The following MS4A1 variants were observed in gnomAD, a reference collection of about 807,000 sequenced individuals.
MS4A1 encodes the protein B-lymphocyte antigen CD20.
In MS4A1, 16 loss-of-function variants were observed where a neutral mutation model predicts 26.5. The ratio of observed to expected loss-of-function variants is 0.60; its 90% CI spans 0.41 to 0.92. MS4A1 has a LOEUF of 0.92. Ranked by LOEUF, MS4A1 falls within the 40% of genes least tolerant of loss-of-function variation. MS4A1 has a pLI of 0.00. For missense variants in MS4A1, 350 were observed against 353.0 expected, an observed-to-expected ratio of 0.99 and a Z score of 0.07; for synonymous variants, 128 against 117.6, an observed-to-expected ratio of 1.09 and a Z score of -0.57.
intron 4 of MS4A1, chr11:60,463,807 C>T (rs578236636): frequency 6.6e-6 from 3 of 455,786 alleles, no homozygotes; most frequent in South Asian, 4.7e-5. Context: ...TCATCACTTC[C>T]TGTAACAGCC....
At chr11:60,459,517 T>C (rs886730055) in intron 1 of MS4A1, among the ~76,000 whole-genome samples, 1 of 152,206 alleles carries the variant, frequency 6.6e-6, no homozygotes, top group African/African-American at 2.4e-5. Flanking sequence ...GCAAATTCTA[T>C]ACCCAGACTG....
At chr11:60,467,195 A>G (rs757638834) in intron 7 of MS4A1, 135 bp downstream of exon 7, 292 of 731,390 alleles carry the variant, frequency 4.0e-4, no homozygotes, top group Non-Finnish European at 6.2e-4. Context: ...GTCTTGGCAT[A>G]TTTCTAGAAA....
Position 60,468,405 on chromosome 11 carries a change from G to A in MS4A1, c.831G>A (p.Thr277=), listed in dbSNP as rs760137995. The A allele has an allele frequency of 7.4e-6, 12 of 1,613,976 alleles. No homozygotes were observed. Among genetic ancestry groups the A allele is most frequent in the Middle Eastern group, 1.6e-4 (1 of 6,084 alleles). The change falls in exon 8 of 8, where the codon ACG becomes ACA. Residue 277 remains threonine, a synonymous_variant. Coordinates refer to ENST00000345732, the MANE Select transcript of MS4A1 (RefSeq NM_152866.3). ...IQEEEEEETE[T]NFPEPPQDQE... is the part of the protein sequence containing the mutation. ...AAGAGGAAGAAGAAGAAACAGAGAC[G>A]AACTTTCCAGAACCTCCCCAAGATC...
intron 3 of MS4A1, among the ~76,000 whole-genome samples, chr11:60,462,797 C>G (rs78619545): frequency 2.6e-5 from 4 of 152,124 alleles, no homozygotes; most frequent in African/African-American, 7.2e-5. Context: ...TGCCAGAATC[C>G]CAGGCATACC....
At position 60,469,395 on chromosome 11, in the gene MS4A1, T is replaced by A. The variant is rs1292328088; in HGVS notation, c.*927T>A. On this transcript the variant is annotated 3_prime_UTR_variant, in exon 8 of 8. Transcript: ENST00000345732. ...AAGGTAACTTGTCAACAGTCATAAC[T>A]AGTAATTATGAGAGCCTTGTTTCAT... 3 of 152,186 alleles carry A rather than the reference T, an allele frequency of 2.0e-5. No homozygotes were observed. The highest frequency in any genetic ancestry group is 2.0e-4 in the Admixed American group (3 of 15,280). The allele number at this position is 152,186 out of a possible 1,614,324, so 9.4% of individuals were successfully genotyped here.
chr11:60,464,432 T>C, intron 5 of MS4A1, 88 bp downstream of exon 5: 1 of 1,125,136 alleles, frequency 8.9e-7, no homozygotes, highest in Non-Finnish European at 1.4e-6. Flanking sequence ...AAAGCCAAGG[T>C]ATCACAGCCT....
Position 60,470,027 on chromosome 11 carries a change from T to G in MS4A1, c.*1559T>G, listed in dbSNP as rs202008743. On this transcript the variant is annotated 3_prime_UTR_variant, in exon 8 of 8. Transcript: ENST00000345732. ...AAAGTTCTCAAAATTTGTTCTAAAT[T>G]AATAAAACTATCTTTGTGTTCTTTT... is the stretch of plus-strand genomic sequence containing the variant. 3.9e-5 allele frequency: 6 copies of G among 152,104 alleles called. No individual in the cohort carries two copies. In the South Asian group the frequency reaches 1.2e-3, roughly 31 times the overall value. The allele number at this position is 152,104 out of a possible 1,614,324, so 9.4% of individuals were successfully genotyped here. A position where few individuals can be genotyped will look rare whatever the true frequency, so the allele number is the denominator to read the frequency against.
In MS4A1 at chr11:60,470,572, CCTT is replaced by C. The variant is rs2135208235; in HGVS notation, c.*2107_*2109del. The C allele has an allele frequency of 6.6e-6, 1 of 152,014 alleles. No homozygotes were observed. Among genetic ancestry groups the C allele is most frequent in the South Asian group, 2.1e-4 (1 of 4,822 alleles). The allele number at this position is 152,014 out of a possible 1,614,324, so 9.4% of individuals were successfully genotyped here. On this transcript the variant is annotated 3_prime_UTR_variant, in exon 8 of 8. Transcript: ENST00000345732. ...TAAAGAAGGATGAAAATTCCTATGACCTTCTCCCCGATTATCCCTTTGGCAATA... is the reference window on the plus strand; with the variant it reads ...TAAAGAAGGATGAAAATTCCTATGACCTCCCCGATTATCCCTTTGGCAATA...
intron 1 of MS4A1, among the ~76,000 whole-genome samples, chr11:60,456,297 G>A (rs1467915107): frequency 2.6e-5 from 4 of 152,094 alleles, no homozygotes; most frequent in Non-Finnish European, 5.9e-5. Flanking sequence ...AACCTCTAAA[G>A]CCTCAGCTTC....
At chr11:60,463,939 T>C (rs1312785581) in intron 4 of MS4A1, 2 of 364,666 alleles carry the variant, frequency 5.5e-6, no homozygotes, top group Admixed American at 3.8e-5. Flanking sequence ...TTCCACAAGT[T>C]AAAAACAAAG....
intron 1 of MS4A1, among the ~76,000 whole-genome samples, chr11:60,459,384 G>A (rs1349225130): frequency 6.6e-6 from 1 of 152,172 alleles, no homozygotes; most frequent in African/African-American, 2.4e-5. Flanking sequence ...TATAGTAGGT[G>A]CTCAGTAAAC....
chr11:60,466,328 A>G (rs1285835541), intron 6 of MS4A1, among the ~76,000 whole-genome samples, 171 bp downstream of exon 6: 1 of 152,202 alleles, frequency 6.6e-6, no homozygotes, highest in Non-Finnish European at 1.5e-5. Context: ...TCAACTGTAA[A>G]ATGGGGATGG....
Position 60,462,483 on chromosome 11 carries a change from C to G in MS4A1, c.109C>G (p.Leu37Val). The G allele has an allele frequency of 6.2e-7, 1 of 1,614,242 alleles. No homozygotes were observed. Among genetic ancestry groups the G allele is most frequent in the Non-Finnish European group, 8.5e-7 (1 of 1,180,042 alleles). The change falls in exon 3 of 8, where the codon CTG becomes GTG. Residue 37 changes from leucine (L) to valine (V), a missense_variant. Transcript: ENST00000345732. ...PKPLFRRMSSLVGPTQSFFMR... is the reference protein window; with the variant it reads ...PKPLFRRMSSVVGPTQSFFMR... ...ACCACTCTTCAGGAGGATGTCTTCA[C>G]TGGTGGGCCCCACGCAAAGCTTCTT... is the stretch of plus-strand genomic sequence containing the variant.
At chr11:60,465,846 T>A in intron 5 of MS4A1, 75 bp from the exon 6 acceptor site, 1 of 1,192,342 alleles carries the variant, frequency 8.4e-7, no homozygotes, top group Non-Finnish European at 1.3e-6. Context: ...GGCAGTTGCA[T>A]TTGGAATTCC....
chr11:60,467,167 AT>A, intron 7 of MS4A1, 107 bp downstream of exon 7: 2 of 939,982 alleles, frequency 2.1e-6, no homozygotes, highest in Non-Finnish European at 3.4e-6. Context: ...TAGGAGCTTG[AT>A]TTAAAAAAAA....
At chr11:60,461,655 G>C (rs55756168) in intron 2 of MS4A1, among the ~76,000 whole-genome samples, 1 of 151,774 alleles carries the variant, frequency 6.6e-6, no homozygotes, top group Non-Finnish European at 1.5e-5. Context: ...GAGTAGCTGG[G>C]ATTACAGGTG....
In MS4A1 at chr11:60,467,016, A is replaced by G; in HGVS notation, c.631A>G (p.Ile211Val). The change falls in exon 7 of 8, where the codon ATC becomes GTC. Residue 211 changes from isoleucine to valine, a missense_variant. Coordinates refer to ENST00000345732, the MANE Select transcript of MS4A1 (RefSeq NM_152866.3). ...AFFQELVIAG[I>V]VENEWKRTCS... ...CTTCCAGGAACTTGTAATAGCTGGC[A>G]TCGTTGAGAATGAATGGAAAAGAAC... 1 of 1,614,182 alleles carries G rather than the reference A, an allele frequency of 6.2e-7. No homozygotes were observed. The highest frequency in any genetic ancestry group is 8.5e-7 in the Non-Finnish European group (1 of 1,180,030).
intron 4 of MS4A1, 40 bp from the exon 5 acceptor site, chr11:60,464,247 GC>G: frequency 7.2e-7 from 1 of 1,379,714 alleles, no homozygotes; most frequent in Non-Finnish European, 1.0e-6. Flanking sequence ...CTCCTGTCTT[GC>G]CCACCCCCTC....
intron 4 of MS4A1, chr11:60,464,050 T>C: frequency 1.8e-6 from 1 of 569,224 alleles, no homozygotes; most frequent in East Asian, 2.9e-5. Context: ...TAGTCACAGA[T>C]CCCCAGATGA....
Sources: gnomAD v4.1 joint callset for allele counts (sites outside exome capture counted in the v4.1 genomes callset) on GRCh38, gnomAD v4.1.1 for gene constraint, MANE v1.5 for transcripts, NCBI Gene and HGNC (gene_info 2026-07-23, HGNC 2026-07-21) for gene names.